Variants in CWF19L2 observed in about 807,000 individuals in gnomAD.
The protein encoded by CWF19L2 is CWF19 like cell cycle control factor 2.
Under a neutral mutation model 111.7 loss-of-function variants are expected in CWF19L2, and 98 were observed. That is an observed-to-expected ratio of 0.88 (90% CI 0.75 to 1.04). CWF19L2 has a LOEUF of 1.04. Among genes scored for constraint, CWF19L2 ranks in the 50% least tolerant of loss-of-function variants. The pLI is 0.00. For missense variants in CWF19L2, 1,101 were observed against 1,051.4 expected (o/e 1.05, Z -0.65); for synonymous variants, 351 against 342.9 (o/e 1.02, Z -0.26).
chr11:107,456,532 C>T (rs1283918756), intron 1 of CWF19L2, among the ~76,000 whole-genome samples: 1 of 151,648 alleles, frequency 6.6e-6, no homozygotes, highest in Non-Finnish European at 1.5e-5. Context: ...AGACTAATCG[C>T]CCACTCTTCC....
chr11:107,386,594 A>G lies in CWF19L2; in HGVS notation c.1872+3480T>C, dbSNP rs145065896. 3.3e-3 allele frequency among the ~76,000 whole-genome samples: 495 copies of G among 152,256 alleles called. 3 individuals are homozygous for G. Among genetic ancestry groups the G allele is most frequent in the African/African-American group, 0.011 (454 of 41,540 alleles). ...TTAGAAGCAGCTGACACAGTCATTCACAGCCTCCTCCCTGTCTCCTGAAAC... is the reference window on the plus strand; with the variant it reads ...TTAGAAGCAGCTGACACAGTCATTCGCAGCCTCCTCCCTGTCTCCTGAAAC... On this transcript the variant is annotated intron_variant, in intron 12 of 17. Coordinates refer to ENST00000282251, the MANE Select transcript of CWF19L2 (RefSeq NM_152434.3).
At chr11:107,405,056 C>A (rs1249363789) in intron 10 of CWF19L2, among the ~76,000 whole-genome samples, 1 of 152,190 alleles carries the variant, frequency 6.6e-6, no homozygotes, top group Non-Finnish European at 1.5e-5. Flanking sequence ...CAGTCTTGTG[C>A]TTGTTTTTAG....
chr11:107,428,966 A>C lies in CWF19L2; in HGVS notation c.1266T>G (p.Ser422=). 5.0e-6 allele frequency: 8 copies of C among 1,613,288 alleles called. No homozygotes were observed. The highest frequency in any genetic ancestry group is 6.8e-6 in the Non-Finnish European group (8 of 1,179,640). The change falls in exon 8 of 18, where the codon TCT becomes TCG. Residue 422 remains serine, a synonymous_variant. Coordinates refer to ENST00000282251, the MANE Select transcript of CWF19L2 (RefSeq NM_152434.3). ...AATGTTTCTTGTCTCCTCTCCCATC[A>C]GAGCGACTCCATGATGTTAATCTTT... ...SEERLTSWSR[S]DGRGDKKHSN...
At chr11:107,429,580 A>G (rs1238793315) in intron 7 of CWF19L2, 129 bp from the exon 8 acceptor site, 2 of 632,200 alleles carry the variant, frequency 3.2e-6, no homozygotes, top group African/African-American at 1.8e-5. Flanking sequence ...GTGAAAGAAG[A>G]CCCATACAAT....
chr11:107,418,655 CA>C (rs1591193414), intron 8 of CWF19L2, among the ~76,000 whole-genome samples: 3 of 152,118 alleles, frequency 2.0e-5, no homozygotes, highest in Non-Finnish European at 4.4e-5. Flanking sequence ...TCTCATTCGA[CA>C]TAAGTTGTTA....
chr11:107,345,730 C>A (rs473520), intron 14 of CWF19L2, among the ~76,000 whole-genome samples: 122,471 of 152,054 alleles, frequency 0.81, 49,992 homozygotes, highest in African/African-American at 0.94. Flanking sequence ...GAATAATTTG[C>A]GTTTGATCAA....
chr11:107,442,319 T>C (rs1299663962), intron 4 of CWF19L2, among the ~76,000 whole-genome samples: 1 of 152,204 alleles, frequency 6.6e-6, no homozygotes, highest in African/African-American at 2.4e-5. Flanking sequence ...ATTGTTCTCC[T>C]GAAGAAATTT....
Position 107,428,814 on chromosome 11 carries a change from T to G in CWF19L2, c.1418A>C (p.Lys473Thr). ...PPKKEHLRDT[K>T]STFAGSPERE... ...GATAAAATACCCAGCAAATGTAGAC[T>G]TTGTATCCCGTAGATGTTCTTTTTT... is the stretch of plus-strand genomic sequence containing the variant. The change falls in exon 8 of 18, where the codon AAG (lysine) becomes ACG (threonine). Residue 473 changes from lysine to threonine, a missense_variant. Coordinates refer to ENST00000282251, the MANE Select transcript of CWF19L2 (RefSeq NM_152434.3). 1 of 1,607,976 alleles carries G rather than the reference T, an allele frequency of 6.2e-7. No homozygotes were observed. Among genetic ancestry groups the G allele is most frequent in the Non-Finnish European group, 8.5e-7 (1 of 1,178,002 alleles).
chr11:107,439,987 T>C (rs539349327), intron 5 of CWF19L2, among the ~76,000 whole-genome samples: 8 of 152,260 alleles, frequency 5.3e-5, no homozygotes, highest in East Asian at 1.9e-4. Flanking sequence ...CAACAGATGA[T>C]AGTAGCCTAA....
At chr11:107,390,245 A>T (rs1591179281) in intron 11 of CWF19L2, 34 bp from the exon 12 acceptor site, 1 of 1,518,218 alleles carries the variant, frequency 6.6e-7, no homozygotes, top group East Asian at 2.3e-5. Flanking sequence ...ATTTAATGAA[A>T]ACATGAGTCT....
intron 12 of CWF19L2, among the ~76,000 whole-genome samples, chr11:107,359,167 G>C (rs1278004742): frequency 1.3e-5 from 2 of 152,124 alleles, no homozygotes; most frequent in Non-Finnish European, 2.9e-5. Flanking sequence ...CAACAACAGA[G>C]ACCAACACTG....
intron 10 of CWF19L2, among the ~76,000 whole-genome samples, chr11:107,394,392 C>T (rs1860892709): frequency 6.6e-6 from 1 of 152,116 alleles, no homozygotes; most frequent in Non-Finnish European, 1.5e-5. Context: ...CTAACTTTAC[C>T]ACACTGATAA....
Position 107,420,229 on chromosome 11 carries a change from G to C in CWF19L2, c.1434-1942C>G, listed in dbSNP as rs559017431. Among the ~76,000 whole-genome samples the C allele has an allele frequency of 2.6e-5, 4 of 152,148 alleles. No homozygotes were observed. In the East Asian group the frequency reaches 7.7e-4, roughly 29 times the overall value. On this transcript the variant is annotated intron_variant, in intron 8 of 17. Transcript: ENST00000282251. ...GTCCAAATACCTAAATTAAAAGGCA[G>C]AAATTATCAGATGGATATAAAAGCA... is the stretch of plus-strand genomic sequence containing the variant.
At chr11:107,403,847 G>A (rs1861041723) in intron 10 of CWF19L2, 1 of 803,788 alleles carries the variant, frequency 1.2e-6, no homozygotes, top group African/African-American at 1.7e-5. Flanking sequence ...AAGTGAATCT[G>A]TGCTTTCTAG....
chr11:107,397,314 G>A (rs1288088672), intron 10 of CWF19L2, among the ~76,000 whole-genome samples: 1 of 152,096 alleles, frequency 6.6e-6, no homozygotes, highest in Non-Finnish European at 1.5e-5. Context: ...CAGACTCCAC[G>A]CTGTTGGTGG....
chr11:107,448,563 A>G (rs148100777), intron 3 of CWF19L2, among the ~76,000 whole-genome samples: 417 of 152,258 alleles, frequency 2.7e-3, no homozygotes, highest in African/African-American at 9.2e-3. Flanking sequence ...TATTTGATGG[A>G]AACTGTAAAC....
chr11:107,367,647 A>G lies in CWF19L2; in HGVS notation c.1873-13911T>C, dbSNP rs1238379397. ...AACAATGAGATCACATGGACACAGG[A>G]AGGGGAATATCACACTCTGGGGACT... On this transcript the variant is annotated intron_variant, in intron 12 of 17. Coordinates refer to ENST00000282251, the MANE Select transcript of CWF19L2 (RefSeq NM_152434.3). Among the ~76,000 whole-genome samples, 4 of 101,348 alleles carry G rather than the reference A, an allele frequency of 3.9e-5. 1 individual carries two copies. The highest frequency in any genetic ancestry group is 7.6e-5 in the Non-Finnish European group (4 of 52,960). The allele number at this position is 101,348 out of a possible 152,430, so 66.5% of individuals were successfully genotyped here. A position where few individuals can be genotyped will look rare whatever the true frequency, so the allele number is the denominator to read the frequency against.
Position 107,370,535 on chromosome 11 carries a change from T to C in CWF19L2, c.1873-16799A>G, listed in dbSNP as rs1268632387. On this transcript the variant is annotated intron_variant, in intron 12 of 17. Transcript: ENST00000282251. Reference sequence around the variant, plus strand: ...GAATGAGTCATTCTTTCATAAGTGATTGTTTCTTCAAGGGAAAAAAAAAAA... The same window carrying C: ...GAATGAGTCATTCTTTCATAAGTGACTGTTTCTTCAAGGGAAAAAAAAAAA... Among the ~76,000 whole-genome samples, 5 of 82,740 alleles carry C rather than the reference T, an allele frequency of 6.0e-5. 1 individual carries two copies. The highest frequency in any genetic ancestry group is 4.0e-4 in the Admixed American group (4 of 9,916). The allele number at this position is 82,740 out of a possible 152,430, so 54.3% of individuals were successfully genotyped here. A position where few individuals can be genotyped will look rare whatever the true frequency, so the allele number is the denominator to read the frequency against.
intron 12 of CWF19L2, among the ~76,000 whole-genome samples, chr11:107,379,500 C>T (rs1210559335): frequency 6.6e-6 from 1 of 152,204 alleles, no homozygotes; most frequent in East Asian, 1.9e-4. Flanking sequence ...GATAACTGCA[C>T]ATGAAAAGTT....
Sources: gnomAD v4.1 joint callset for allele counts (sites outside exome capture counted in the v4.1 genomes callset) on GRCh38, gnomAD v4.1.1 for gene constraint, MANE v1.5 for transcripts, NCBI Gene and HGNC (gene_info 2026-07-23, HGNC 2026-07-21) for gene names.